TMEM132B: variants seen among roughly 807,000 people sequenced by gnomAD.
TMEM132B encodes the protein transmembrane protein 132B.
In TMEM132B, 18 loss-of-function variants were observed where a neutral mutation model predicts 90.8. The observed-to-expected ratio is 0.20, with a 90% CI of 0.14 to 0.29. TMEM132B has a LOEUF of 0.29. Among genes scored for constraint, TMEM132B ranks in the 10% least tolerant of loss-of-function variants. The pLI, the probability that TMEM132B is intolerant of heterozygous loss-of-function variation, is 1.00. For missense variants in TMEM132B, 1,096 were observed against 1,326.8 expected (o/e 0.83, Z 2.70); for synonymous variants, 504 against 523.3 (o/e 0.96, Z 0.50).
chr12:125,271,118 C>G (rs1428996692), intron 1 of TMEM132B, among the ~76,000 whole-genome samples: 1 of 152,086 alleles, frequency 6.6e-6, no homozygotes, highest in Non-Finnish European at 1.5e-5. Flanking sequence ...GTACCATACC[C>G]TGCTAATTTT....
intron 1 of TMEM132B, among the ~76,000 whole-genome samples, chr12:125,227,634 CCT>C (rs1469481870): frequency 2.0e-5 from 3 of 152,122 alleles, no homozygotes; most frequent in Non-Finnish European, 2.9e-5. Context: ...CAGTGTCTCC[CCT>C]CTCTCAGGAT....
chr12:125,635,626 G>A (rs1886462338), intron 5 of TMEM132B, among the ~76,000 whole-genome samples: 1 of 152,154 alleles, frequency 6.6e-6, no homozygotes, highest in Non-Finnish European at 1.5e-5. Flanking sequence ...CTTTATAGCA[G>A]CATGATTTAT....
At chr12:125,626,891 G>A (rs1886246440) in intron 5 of TMEM132B, among the ~76,000 whole-genome samples, 2 of 151,740 alleles carry the variant, frequency 1.3e-5, no homozygotes, top group African/African-American at 2.4e-5. Flanking sequence ...TATTTTTTGA[G>A]CCCTGTTTTA....
At chr12:125,450,394 A>C (rs1301820670) in intron 3 of TMEM132B, among the ~76,000 whole-genome samples, 1 of 152,252 alleles carries the variant, frequency 6.6e-6, no homozygotes, top group Non-Finnish European at 1.5e-5. Context: ...ATATGGAAGA[A>C]TTTGAGCACC....
intron 1 of TMEM132B, among the ~76,000 whole-genome samples, chr12:125,189,233 C>T (rs1467695838): frequency 6.6e-6 from 1 of 152,222 alleles, no homozygotes; most frequent in Non-Finnish European, 1.5e-5. Context: ...CCCAGCTTAG[C>T]GACTAGGGGG....
At chr12:125,255,265 CTCTCTT>C (rs1335115401) in intron 1 of TMEM132B, among the ~76,000 whole-genome samples, 1 of 151,956 alleles carries the variant, frequency 6.6e-6, no homozygotes, top group African/African-American at 2.4e-5. Flanking sequence ...CCTCCTCTCT[CTCTCTT>C]TCTCTTTCTT....
intron 1 of TMEM132B, among the ~76,000 whole-genome samples, chr12:125,344,222 T>C (rs1208761471): frequency 6.6e-6 from 1 of 152,186 alleles, no homozygotes; most frequent in Non-Finnish European, 1.5e-5. Context: ...CTGGATATAG[T>C]AGTCATGCTT....
At chr12:125,489,557 C>A (rs1309001515) in intron 3 of TMEM132B, among the ~76,000 whole-genome samples, 1 of 151,990 alleles carries the variant, frequency 6.6e-6, no homozygotes, top group African/African-American at 2.4e-5. Context: ...CAGACGTATG[C>A]CACCAAACCC....
At chr12:125,382,870 C>T (rs1268170945) in intron 2 of TMEM132B, among the ~76,000 whole-genome samples, 1 of 152,106 alleles carries the variant, frequency 6.6e-6, no homozygotes, top group Non-Finnish European at 1.5e-5. Flanking sequence ...TAATGGCTTT[C>T]CATTCTTGGT....
At chr12:125,646,920 G>A (rs539833916) in intron 6 of TMEM132B, among the ~76,000 whole-genome samples, 61 of 152,058 alleles carry the variant, frequency 4.0e-4, no homozygotes, top group Non-Finnish European at 7.6e-4. Context: ...TTTTAAAGCA[G>A]CCATACCAAA....
intron 1 of TMEM132B, among the ~76,000 whole-genome samples, chr12:125,280,587 G>C (rs897005233): frequency 3.9e-5 from 6 of 152,250 alleles, no homozygotes; most frequent in Non-Finnish European, 7.3e-5. Context: ...CGGAGGAGCA[G>C]CCCGTCTTCA....
chr12:125,599,414 G>GA (rs1885519667), intron 5 of TMEM132B, among the ~76,000 whole-genome samples: 2 of 152,074 alleles, frequency 1.3e-5, no homozygotes, highest in South Asian at 2.1e-4. Context: ...ATACAGGGAG[G>GA]AAAAAATCTT....
At chr12:125,220,433 T>C (rs1156860244) in intron 1 of TMEM132B, among the ~76,000 whole-genome samples, 1 of 152,254 alleles carries the variant, frequency 6.6e-6, no homozygotes, top group Non-Finnish European at 1.5e-5. Flanking sequence ...AAGATAATGC[T>C]GTTTCTTGGA....
intron 6 of TMEM132B, among the ~76,000 whole-genome samples, chr12:125,648,547 T>C (rs1254960494): frequency 7.4e-6 from 1 of 135,878 alleles, no homozygotes; most frequent in African/African-American, 3.1e-5. Context: ...TTTTTTTTTC[T>C]GTTGTTGTTG....
At chr12:125,314,498 G>GCATTGAGCA (rs1284697669) in intron 1 of TMEM132B, among the ~76,000 whole-genome samples, 1 of 152,190 alleles carries the variant, frequency 6.6e-6, no homozygotes, top group East Asian at 1.9e-4. Context: ...TGGGCTTCCT[G>GCATTGAGCA]GGTTTCTTGT....
intron 1 of TMEM132B, among the ~76,000 whole-genome samples, chr12:125,273,592 CAGAAA>C (rs1001455009): frequency 7.2e-5 from 11 of 152,088 alleles, no homozygotes; most frequent in African/African-American, 1.2e-4. Flanking sequence ...GTCTCAAAAA[CAGAAA>C]AGAAAAGATT....
chr12:125,434,523 G>T (rs1880642007), intron 3 of TMEM132B, among the ~76,000 whole-genome samples: 1 of 140,662 alleles, frequency 7.1e-6, no homozygotes, highest in South Asian at 2.7e-4. Context: ...GAGGGTGGGA[G>T]GGTGGGGGAA....
At chr12:125,562,248 GAGAT>G (rs1433696150) in intron 4 of TMEM132B, among the ~76,000 whole-genome samples, 2 of 152,222 alleles carry the variant, frequency 1.3e-5, no homozygotes, top group African/African-American at 4.8e-5. Flanking sequence ...GAATTGAAGA[GAGAT>G]AGGACCTTGG....
At chr12:125,623,331 A>G (rs933000759) in intron 5 of TMEM132B, among the ~76,000 whole-genome samples, 25 of 152,314 alleles carry the variant, frequency 1.6e-4, no homozygotes, top group South Asian at 6.2e-4. Context: ...CATTGCTTGT[A>G]TAGTCTTGAT....
Sources: allele counts gnomAD v4.1 joint callset (sites outside exome capture counted in the v4.1 genomes callset), GRCh38; gene constraint gnomAD v4.1.1; transcripts MANE v1.5; gene names NCBI Gene and HGNC (gene_info 2026-07-23, HGNC 2026-07-21).